SGCD: variants seen among roughly 807,000 people sequenced by gnomAD.
The protein encoded by SGCD is sarcoglycan delta.
SGCD carries 18 observed loss-of-function variants against 36.6 expected under a neutral mutation model. That is an observed-to-expected ratio of 0.49 (90% confidence interval 0.34 to 0.73). The LOEUF (loss-of-function observed/expected upper bound fraction) is 0.73. Among genes scored for constraint, SGCD ranks in the 30% least tolerant of loss-of-function variants. The pLI is 0.01. For missense variants in SGCD, 387 were observed against 346.7 expected (o/e 1.12, Z -0.92); for synonymous variants, 133 against 130.6 (o/e 1.02, Z -0.12).
At chr5:155,959,566 G>GT (rs1412924498) in intron 1 of SGCD, among the ~76,000 whole-genome samples, 5 of 151,948 alleles carry the variant, frequency 3.3e-5, no homozygotes, top group African/African-American at 9.7e-5. Flanking sequence ...CCTTGCTTTT[G>GT]TTTTTTTGAG....
At chr5:156,020,776 A>G (rs1759079792) in intron 1 of SGCD, among the ~76,000 whole-genome samples, 1 of 151,852 alleles carries the variant, frequency 6.6e-6, no homozygotes, top group Non-Finnish European at 1.5e-5. Context: ...CTGTCTTACA[A>G]GTGTTTCTCA....
At chr5:156,032,035 G>A (rs914413055) in intron 1 of SGCD, among the ~76,000 whole-genome samples, 6 of 151,736 alleles carry the variant, frequency 4.0e-5, no homozygotes, top group Admixed American at 6.6e-5. Flanking sequence ...AGTGAGAATC[G>A]CTGCTTACAT....
intron 3 of SGCD, among the ~76,000 whole-genome samples, chr5:156,348,283 G>A (rs575374578): frequency 3.4e-4 from 51 of 152,150 alleles, no homozygotes; most frequent in African/African-American, 1.0e-3. Context: ...AAGAAATAAA[G>A]GGCATCCAAA....
intron 1 of SGCD, among the ~76,000 whole-genome samples, chr5:156,008,680 T>A (rs1199170897): frequency 6.6e-6 from 1 of 152,202 alleles, no homozygotes; most frequent in African/African-American, 2.4e-5. Flanking sequence ...CCAGCCTACA[T>A]TGTCTTCTTA....
intron 3 of SGCD, among the ~76,000 whole-genome samples, chr5:156,179,243 T>C (rs140703233): frequency 1.1e-3 from 174 of 152,318 alleles, no homozygotes; most frequent in African/African-American, 4.1e-3. Flanking sequence ...AATGATTTTC[T>C]ATCTGTGCTG....
At chr5:156,493,740 T>C (rs79175324) in intron 3 of SGCD, among the ~76,000 whole-genome samples, 4,111 of 152,264 alleles carry the variant, frequency 0.027, 167 homozygotes, top group African/African-American at 0.088. Context: ...AACGACTATC[T>C]TACCCAGGGA....
intron 3 of SGCD, among the ~76,000 whole-genome samples, chr5:156,278,225 C>G (rs988686): frequency 0.16 from 24,364 of 152,044 alleles, 2,158 homozygotes; most frequent in Admixed American, 0.21. Context: ...TGTAGGTAGG[C>G]TGTGACCTGA....
chr5:156,561,431 T>C (rs1426091367), intron 4 of SGCD, among the ~76,000 whole-genome samples: 1 of 152,254 alleles, frequency 6.6e-6, no homozygotes, highest in Non-Finnish European at 1.5e-5. Context: ...AGTGAAACCA[T>C]AGCAAAAGAC....
chr5:156,126,549 T>C (rs1762176757), intron 3 of SGCD, among the ~76,000 whole-genome samples: 2 of 152,142 alleles, frequency 1.3e-5, no homozygotes, highest in African/African-American at 4.8e-5. Flanking sequence ...GTAGTATATA[T>C]AAAGATGTGC....
At chr5:156,557,234 G>A (rs1047042545) in intron 4 of SGCD, among the ~76,000 whole-genome samples, 2 of 152,128 alleles carry the variant, frequency 1.3e-5, no homozygotes, top group Non-Finnish European at 2.9e-5. Flanking sequence ...TGAAGATGTT[G>A]AAGACTCCAT....
At chr5:155,868,418 C>T (rs1490691971), upstream of SGCD, among the ~76,000 whole-genome samples, 1 of 135,288 alleles carries the variant, frequency 7.4e-6, no homozygotes, top group Non-Finnish European at 1.5e-5. Context: ...GGGTGCCAGA[C>T]TGGTCTAGAA....
intron 3 of SGCD, among the ~76,000 whole-genome samples, chr5:156,163,270 C>T (rs1207194038): frequency 6.6e-6 from 1 of 151,640 alleles, no homozygotes; most frequent in East Asian, 1.9e-4. Context: ...CAACTCACCA[C>T]TTGTGTATGC....
chr5:155,728,481 C>T, the SGCD span, among the ~76,000 whole-genome samples: 3 of 152,198 alleles, frequency 2.0e-5, no homozygotes, highest in African/African-American at 4.8e-5. Flanking sequence ...TTGAAGCGAG[C>T]TGGGCTGTGA....
chr5:156,472,855 G>A (rs1013838775), intron 3 of SGCD, among the ~76,000 whole-genome samples: 2 of 152,186 alleles, frequency 1.3e-5, no homozygotes, highest in East Asian at 1.9e-4. Context: ...AAAGAGAAAT[G>A]TTTGTCTATG....
At chr5:156,024,028 T>C (rs1195579533) in intron 1 of SGCD, among the ~76,000 whole-genome samples, 1 of 152,210 alleles carries the variant, frequency 6.6e-6, no homozygotes, top group African/African-American at 2.4e-5. Flanking sequence ...TTGCTGTTGC[T>C]ACCTTTAATT....
chr5:156,651,711 A>G (rs1325237883), intron 7 of SGCD, among the ~76,000 whole-genome samples: 1 of 152,088 alleles, frequency 6.6e-6, no homozygotes, highest in African/African-American at 2.4e-5. Flanking sequence ...CTTAAAGTAC[A>G]CTTTGAAGCT....
At chr5:156,598,936 A>G (rs561418504) in intron 6 of SGCD, among the ~76,000 whole-genome samples, 1 of 152,244 alleles carries the variant, frequency 6.6e-6, no homozygotes, top group South Asian at 2.1e-4. Context: ...CATTTAGAGC[A>G]TAATGTAGGA....
intron 1 of SGCD, among the ~76,000 whole-genome samples, chr5:156,013,853 G>T (rs1243101289): frequency 6.6e-6 from 1 of 151,700 alleles, no homozygotes; most frequent in African/African-American, 2.4e-5. Flanking sequence ...TATTTTTTAA[G>T]AGACACTCCT....
Position 156,051,696 on chromosome 5 carries a change from A to G in SGCD, c.-281-66182A>G, listed in dbSNP as rs1027898336. Among the ~76,000 whole-genome samples, 3 of 146,212 alleles carry G rather than the reference A, an allele frequency of 2.1e-5. 1 individual carries two copies. Among genetic ancestry groups the G allele is most frequent in the African/African-American group, 4.9e-5 (2 of 40,620 alleles). On this transcript the variant is annotated intron_variant, in intron 1 of 9. Transcript: ENST00000517913. ...GCAGACAGAAAAAGTAAAAAACTAA[A>G]CAAACAAATATATAAATGAGCACTC... is the stretch of plus-strand genomic sequence containing the variant.
Sources: allele counts gnomAD v4.1 joint callset (sites outside exome capture counted in the v4.1 genomes callset), GRCh38; gene constraint gnomAD v4.1.1; transcripts MANE v1.5; gene names NCBI Gene and HGNC (gene_info 2026-07-23, HGNC 2026-07-21).